SPG11: variants seen among roughly 807,000 people sequenced by gnomAD.
SPG11 encodes spatacsin.
In SPG11, 222 loss-of-function variants were observed where a neutral mutation model predicts 274.0. That is an observed-to-expected ratio of 0.81 (90% CI 0.73 to 0.91). SPG11 has a LOEUF of 0.91. Ranked by LOEUF, SPG11 falls within the 40% of genes least tolerant of loss-of-function variation. SPG11 has a pLI of 0.00. For synonymous variants in SPG11, 1,144 were observed against 1,039.7 expected (o/e 1.10, Z -1.93); for missense variants, 3,114 against 2,872.7 (o/e 1.08, Z -1.92).
chr15:44,584,152 A>G lies in SPG11; in HGVS notation c.5528T>C (p.Phe1843Ser). 6.2e-7 allele frequency: 1 copy of G among 1,614,178 alleles called. No individual in the cohort carries two copies. Among genetic ancestry groups the G allele is most frequent in the Non-Finnish European group, 8.5e-7 (1 of 1,180,032 alleles). The change falls in exon 30 of 40, where the codon TTC becomes TCC. Residue 1843 changes from phenylalanine to serine, a missense_variant. Phe to Ser is a radical substitution (Grantham distance 155). Transcript: ENST00000261866. ...SFDSLASEFSFSKLAALNTSK... is the reference protein window; with the variant it reads ...SFDSLASEFSSSKLAALNTSK... ...TGTGTTCAGAGCAGCCAACTTGGAG[A>G]AGGAAAACTCACTGGCTAAACTATC...
At chr15:44,628,580 A>G (rs2083967474) in intron 10 of SPG11, 89 bp downstream of exon 10, 1 of 1,210,326 alleles carries the variant, frequency 8.3e-7, no homozygotes, top group African/African-American at 1.5e-5. Flanking sequence ...AATCACAAGT[A>G]TATAGAGTCT....
At chr15:44,643,142 C>G (rs1032086195) in intron 7 of SPG11, among the ~76,000 whole-genome samples, 2 of 152,164 alleles carry the variant, frequency 1.3e-5, no homozygotes, top group Admixed American at 1.3e-4. Context: ...GACATGTGCA[C>G]TGTTTAAGGG....
chr15:44,640,120 G>C (rs982050949), intron 7 of SPG11, among the ~76,000 whole-genome samples: 1 of 152,192 alleles, frequency 6.6e-6, no homozygotes, highest in African/African-American at 2.4e-5. Context: ...TGAGGCAGGA[G>C]AATCGCTTGA....
rs78871317 is a variant in SPG11 at position 44,580,976 on chromosome 15, A to C, written c.5866+2838T>G. 6.0e-3 allele frequency among the ~76,000 whole-genome samples: 917 copies of C among 152,318 alleles called. 26 individuals are homozygous for C. In the East Asian group the frequency reaches 0.089, roughly 15 times the overall value. On this transcript the variant is annotated intron_variant, in intron 30 of 39. Transcript: ENST00000261866. Reference sequence around the variant, plus strand: ...AAACACATAAACCTACATATTCAAGAAGCTCAGTAAACCCCAAATAGAATA... The same window carrying C: ...AAACACATAAACCTACATATTCAAGCAGCTCAGTAAACCCCAAATAGAATA...
intron 3 of SPG11, among the ~76,000 whole-genome samples, chr15:44,658,239 A>G (rs189048339): frequency 6.6e-6 from 1 of 152,326 alleles, no homozygotes; most frequent in African/African-American, 2.4e-5. Flanking sequence ...CATTATTTTA[A>G]TTCAGAAATT....
At chr15:44,615,106 G>A (rs1229074494) in intron 16 of SPG11, among the ~76,000 whole-genome samples, 1 of 152,066 alleles carries the variant, frequency 6.6e-6, no homozygotes, top group Non-Finnish European at 1.5e-5. Flanking sequence ...TTCTTTCATT[G>A]TATTCTAAAG....
intron 28 of SPG11, 90 bp from the exon 29 acceptor site, chr15:44,585,940 C>T (rs1014556400): frequency 2.7e-5 from 28 of 1,053,814 alleles, no homozygotes; most frequent in Admixed American, 8.9e-5. Context: ...GGAAAATATA[C>T]GTGTTTAACA....
At chr15:44,599,318 A>T (rs908828385) in intron 21 of SPG11, among the ~76,000 whole-genome samples, 1 of 152,088 alleles carries the variant, frequency 6.6e-6, no homozygotes, top group African/African-American at 2.4e-5. Context: ...TATTTTTTTG[A>T]GATGGAGTCT....
At chr15:44,589,085 G>C (rs931797433) in intron 28 of SPG11, among the ~76,000 whole-genome samples, 167 bp downstream of exon 28, 6 of 152,128 alleles carry the variant, frequency 3.9e-5, no homozygotes, top group African/African-American at 1.4e-4. Context: ...ATTATTTCTT[G>C]AATATTTTAA....
chr15:44,599,244 G>A (rs1162678947), intron 21 of SPG11, among the ~76,000 whole-genome samples: 2 of 151,976 alleles, frequency 1.3e-5, no homozygotes, highest in African/African-American at 4.8e-5. Context: ...ACTCATATAG[G>A]CCTTTTATAG....
rs571404388 is a variant in SPG11, at chr15:44,606,907, T to C, written c.3454-816A>G. 1.3e-4 allele frequency among the ~76,000 whole-genome samples: 20 copies of C among 152,308 alleles called. No individual in the cohort carries two copies. In the South Asian group the frequency reaches 3.9e-3, roughly 30 times the overall value. On this transcript the variant is annotated intron_variant, in intron 19 of 39. Transcript: ENST00000261866. ...CAAACTACTTTACGTAGTGAAACTA[T>C]GTTTGTTTTGCCTGGGAAAAAACAA...
intron 8 of SPG11, among the ~76,000 whole-genome samples, chr15:44,629,715 T>G (rs1283481463): frequency 1.3e-5 from 2 of 152,174 alleles, no homozygotes; most frequent in Non-Finnish European, 2.9e-5. Flanking sequence ...ATATTCTCTT[T>G]CCATAGATTA....
chr15:44,659,333 T>C (rs2085035828), intron 2 of SPG11, 30 bp from the exon 3 acceptor site: 2 of 1,573,346 alleles, frequency 1.3e-6, no homozygotes, highest in East Asian at 4.5e-5. Flanking sequence ...TATTTCAAAC[T>C]CATTGGTCAC....
At chr15:44,652,304 A>C in intron 4 of SPG11, 38 bp from the exon 5 acceptor site, 1 of 1,611,536 alleles carries the variant, frequency 6.2e-7, no homozygotes, top group Non-Finnish European at 8.5e-7. Context: ...TGAAAAAATG[A>C]TGATCAAACC....
At chr15:44,648,512 C>CAA (rs57643988) in intron 7 of SPG11, among the ~76,000 whole-genome samples, 120 of 54,160 alleles carry the variant, frequency 2.2e-3, no homozygotes, top group African/African-American at 6.6e-3. Flanking sequence ...CACCCTGTGT[C>CAA]AAAAAAAAAA....
At chr15:44,654,977 T>A (rs1284223084) in intron 4 of SPG11, among the ~76,000 whole-genome samples, 1 of 152,238 alleles carries the variant, frequency 6.6e-6, no homozygotes, top group Non-Finnish European at 1.5e-5. Flanking sequence ...TATAATTAGC[T>A]GTAGTATATA....
chr15:44,589,147 G>T, intron 28 of SPG11, 105 bp downstream of exon 28: 1 of 1,192,058 alleles, frequency 8.4e-7, no homozygotes, highest in Non-Finnish European at 1.2e-6. Context: ...TAGACTGTAA[G>T]TTAATGTTAC....
At chr15:44,590,722 T>C (rs557874761) in intron 27 of SPG11, 4 of 152,228 alleles carry the variant, frequency 2.6e-5, no homozygotes, top group Admixed American at 2.0e-4. Context: ...ATACTGGGCG[T>C]TTTGGTGGAA....
Position 44,563,274 on chromosome 15 carries a change from C to T in SPG11, c.7179G>A (p.Met2393Ile). Residue 2393 changes from methionine (M) to isoleucine (I), a missense_variant, in exon 40 of 40, where the codon ATG becomes ATA. Physicochemically the swap from Met to Ile is conservative, Grantham distance 10 (BLOSUM62 1). Coordinates refer to ENST00000261866, the MANE Select transcript of SPG11 (RefSeq NM_025137.4). Reference sequence around the variant, plus strand: ...GTAATTTCTTCAGGTTTTCCATGACCATGTCAGTAGGCTGATGTTGTTTAT... The same window carrying T: ...GTAATTTCTTCAGGTTTTCCATGACTATGTCAGTAGGCTGATGTTGTTTAT... ...KKYKQHQPTD[M>I]VMENLKKLLT... 1 of 1,613,738 alleles carries T rather than the reference C, an allele frequency of 6.2e-7. No homozygotes were observed. Among genetic ancestry groups the T allele is most frequent in the Non-Finnish European group, 8.5e-7 (1 of 1,179,704 alleles).
Sources: gnomAD v4.1 joint callset for allele counts (sites outside exome capture counted in the v4.1 genomes callset) on GRCh38, gnomAD v4.1.1 for gene constraint, MANE v1.5 for transcripts, NCBI Gene and HGNC (gene_info 2026-07-23, HGNC 2026-07-21) for gene names.